SNX14: variants seen among roughly 807,000 people sequenced by gnomAD.
The protein encoded by SNX14 is sorting nexin-14.
In SNX14, 93 loss-of-function variants were observed where a neutral mutation model predicts 133.8. The observed-to-expected ratio is 0.70, with a 90% confidence interval of 0.59 to 0.83. The LOEUF is 0.83. Among genes scored for constraint, SNX14 ranks in the 40% least tolerant of loss-of-function variants. SNX14 has a pLI of 0.00. For missense variants in SNX14, 945 were observed against 1,094.9 expected, an observed-to-expected ratio of 0.86 and a Z score of 1.93; for synonymous variants, 368 against 365.6, an observed-to-expected ratio of 1.01 and a Z score of -0.07.
intron 23 of SNX14, among the ~76,000 whole-genome samples, chr6:85,516,067 T>C (rs1451608002): frequency 6.6e-6 from 1 of 152,194 alleles, no homozygotes; most frequent in Admixed American, 6.5e-5. Context: ...TCTATATACA[T>C]AGCCACAAAT....
chr6:85,581,484 T>C (rs1424758085), intron 1 of SNX14: 2 of 151,950 alleles, frequency 1.3e-5, no homozygotes, highest in East Asian at 3.9e-4. Flanking sequence ...GAAACATGGC[T>C]CACCAAACAA....
At chr6:85,571,516 A>G (rs189253145) in intron 4 of SNX14, among the ~76,000 whole-genome samples, 12 of 152,338 alleles carry the variant, frequency 7.9e-5, no homozygotes, top group African/African-American at 2.6e-4. Flanking sequence ...ATACACTTTG[A>G]TCAGCTACCA....
intron 13 of SNX14, 93 bp from the exon 14 acceptor site, chr6:85,543,399 T>G (rs1204991360): frequency 3.2e-6 from 4 of 1,233,856 alleles, no homozygotes; most frequent in Non-Finnish European, 3.3e-6. Context: ...TGAAACACAC[T>G]AGATTGAGAA....
chr6:85,592,678 C>G (rs1010537943), intron 1 of SNX14, among the ~76,000 whole-genome samples: 1 of 152,020 alleles, frequency 6.6e-6, no homozygotes, highest in Non-Finnish European at 1.5e-5. Context: ...AGGGTGGCAT[C>G]AAGTCCTCTT....
intron 18 of SNX14, among the ~76,000 whole-genome samples, chr6:85,530,593 C>A (rs908919586): frequency 1.3e-5 from 2 of 149,172 alleles, no homozygotes; most frequent in Non-Finnish European, 3.0e-5. Context: ...TGCAGCGAGC[C>A]GAGATTGCGC....
chr6:85,513,205 C>T (rs188837975), intron 26 of SNX14, among the ~76,000 whole-genome samples: 87 of 152,314 alleles, frequency 5.7e-4, no homozygotes, highest in African/African-American at 2.0e-3. Flanking sequence ...TATTTCCCGT[C>T]ACAGTTAAGA....
chr6:85,519,889 C>CA (rs200788112), intron 21 of SNX14, among the ~76,000 whole-genome samples: 2,784 of 150,396 alleles, frequency 0.019, 95 homozygotes, highest in African/African-American at 0.064. Context: ...CAAAACAAAA[C>CA]AAAAAAAAAC....
intron 16 of SNX14, 73 bp from the exon 17 acceptor site, chr6:85,536,997 T>TA: frequency 2.2e-6 from 3 of 1,343,870 alleles, no homozygotes; most frequent in Middle Eastern, 3.8e-4. Context: ...AAAACCATTA[T>TA]TAAAAAAAAG....
intron 1 of SNX14, among the ~76,000 whole-genome samples, chr6:85,592,965 G>C (rs1184134269): frequency 6.6e-6 from 1 of 152,224 alleles, no homozygotes; most frequent in Admixed American, 6.5e-5. Context: ...GGTGAGCCGA[G>C]ACCGCACCAC....
At chr6:85,576,586 C>A (rs1797426846) in intron 1 of SNX14, among the ~76,000 whole-genome samples, 1 of 152,134 alleles carries the variant, frequency 6.6e-6, no homozygotes, top group Non-Finnish European at 1.5e-5. Context: ...AAATGTGAAG[C>A]TGTAATAAAA....
intron 1 of SNX14, among the ~76,000 whole-genome samples, chr6:85,593,366 C>T (rs1359574374): frequency 6.6e-6 from 1 of 152,216 alleles, no homozygotes; most frequent in Non-Finnish European, 1.5e-5. Context: ...GACGAAGCCT[C>T]GGGAAAGGAG....
At chr6:85,539,449 AAAAAC>A (rs1297294304) in intron 15 of SNX14, among the ~76,000 whole-genome samples, 10 of 152,236 alleles carry the variant, frequency 6.6e-5, no homozygotes, top group African/African-American at 1.7e-4. Context: ...CTAAATATTA[AAAAAC>A]AAAAGTTGTA....
intron 14 of SNX14, 33 bp from the exon 15 acceptor site, chr6:85,542,076 T>C (rs1021493248): frequency 2.1e-6 from 3 of 1,396,752 alleles, no homozygotes; most frequent in Non-Finnish European, 2.9e-6. Flanking sequence ...TATCATTTAT[T>C]ACACTTACAA....
intron 4 of SNX14, among the ~76,000 whole-genome samples, chr6:85,571,220 C>A (rs576697927): frequency 1.1e-4 from 16 of 151,926 alleles, no homozygotes; most frequent in Admixed American, 9.8e-4. Flanking sequence ...ATTAGGCGGG[C>A]GTGGTGGTGC....
intron 5 of SNX14, among the ~76,000 whole-genome samples, chr6:85,566,814 A>G (rs1194827561): frequency 1.3e-5 from 2 of 152,232 alleles, no homozygotes; most frequent in Non-Finnish European, 2.9e-5. Flanking sequence ...GTTCAAATAT[A>G]TATTAAACAC....
intron 1 of SNX14, among the ~76,000 whole-genome samples, chr6:85,591,148 T>C (rs1227076308): frequency 6.6e-6 from 1 of 152,190 alleles, no homozygotes; most frequent in African/African-American, 2.4e-5. Flanking sequence ...AGAATAGATG[T>C]ACCTAGTATA....
intron 17 of SNX14, among the ~76,000 whole-genome samples, chr6:85,534,503 T>C (rs1781251917): frequency 6.6e-6 from 1 of 152,234 alleles, no homozygotes; most frequent in African/African-American, 2.4e-5. Flanking sequence ...TTTCCCTTGA[T>C]AGTATTAAAC....
chr6:85,507,191 C>G (rs1416854597), intron 28 of SNX14, 42 bp downstream of exon 28: 1 of 1,495,218 alleles, frequency 6.7e-7, no homozygotes. Flanking sequence ...TGTCAGCATA[C>G]CATTAAGAAA....
In SNX14 at chr6:85,518,001, TACTC is replaced by T. The variant is rs761618144; in HGVS notation, c.2148+3_2148+6del. On this transcript the variant is annotated splice_donor_5th_base_variant and intron_variant, in intron 22 of 28. Coordinates refer to ENST00000314673, the MANE Select transcript of SNX14 (RefSeq NM_153816.6). ...TGTTATAGAACACACATAAATCAGT[TACTC>T]ACCTCTTTCATTAGTTTTCCAGGAA... 14 of 1,602,332 alleles carry T rather than the reference TACTC, an allele frequency of 8.7e-6. No homozygotes were observed. The highest frequency in any genetic ancestry group is 1.2e-5 in the Non-Finnish European group (14 of 1,174,024).
Sources: allele counts gnomAD v4.1 joint callset (sites outside exome capture counted in the v4.1 genomes callset), GRCh38; gene constraint gnomAD v4.1.1; transcripts MANE v1.5; gene names NCBI Gene and HGNC (gene_info 2026-07-23, HGNC 2026-07-21).